Variants in SUMF1 observed in about 807,000 individuals in gnomAD.
The protein encoded by SUMF1 is sulfatase modifying factor 1.
SUMF1 carries 48 observed loss-of-function variants against 47.6 expected under a neutral mutation model. The ratio of observed to expected loss-of-function variants is 1.01; its 90% CI spans 0.80 to 1.28. The LOEUF (loss-of-function observed/expected upper bound fraction) is 1.28. Among genes scored for constraint, SUMF1 ranks in the 50% most tolerant of loss-of-function variants. SUMF1 has a pLI of 0.00. For synonymous variants in SUMF1, 230 were observed against 192.1 expected (o/e 1.20, Z -1.63); for missense variants, 571 against 485.4 (o/e 1.18, Z -1.66).
intron 8 of SUMF1, among the ~76,000 whole-genome samples, chr3:4,235,069 G>A (rs2124988124): frequency 6.6e-6 from 1 of 152,264 alleles, no homozygotes; most frequent in Non-Finnish European, 1.5e-5. Flanking sequence ...CAGAGGCAGA[G>A]AAACCAGGCA....
chr3:4,413,485 T>C (rs996332829), intron 6 of SUMF1, among the ~76,000 whole-genome samples: 4 of 152,022 alleles, frequency 2.6e-5, no homozygotes, highest in Non-Finnish European at 5.9e-5. Context: ...CCCCTAAAAT[T>C]ACCATAGGTG....
At chr3:4,240,862 AT>A (rs562729124) in intron 8 of SUMF1, among the ~76,000 whole-genome samples, 2 of 151,914 alleles carry the variant, frequency 1.3e-5, no homozygotes, top group Middle Eastern at 3.4e-3. Context: ...AAAAATTAAG[AT>A]TTTTTTCCTA....
At chr3:4,414,154 C>T (rs1701632048) in intron 6 of SUMF1, among the ~76,000 whole-genome samples, 1 of 152,120 alleles carries the variant, frequency 6.6e-6, no homozygotes, top group South Asian at 2.1e-4. Flanking sequence ...CATGAGCCAC[C>T]GCACCTGGCC....
At chr3:4,429,534 T>A (rs1702171617) in intron 3 of SUMF1, among the ~76,000 whole-genome samples, 1 of 152,218 alleles carries the variant, frequency 6.6e-6, no homozygotes, top group Non-Finnish European at 1.5e-5. Context: ...CCACACACGT[T>A]GTCTTGGAGG....
chr3:4,282,627 G>A (rs544525138), intron 8 of SUMF1, among the ~76,000 whole-genome samples: 73 of 152,272 alleles, frequency 4.8e-4, no homozygotes, highest in African/African-American at 1.7e-3. Context: ...TGAAAATAAC[G>A]ATACCAGCGC....
chr3:4,307,399 C>A (rs150142291), intron 8 of SUMF1, among the ~76,000 whole-genome samples: 8 of 152,014 alleles, frequency 5.3e-5, no homozygotes, highest in South Asian at 4.2e-4. Context: ...CCCTGAGACA[C>A]GTATCTGTTA....
intron 8 of SUMF1, among the ~76,000 whole-genome samples, chr3:4,351,068 T>C (rs554188627): frequency 6.6e-6 from 1 of 152,252 alleles, no homozygotes; most frequent in Admixed American, 6.5e-5. Context: ...GGTACAAGGG[T>C]TGGCTCCACA....
intron 8 of SUMF1, among the ~76,000 whole-genome samples, chr3:4,332,808 A>G (rs1699075733): frequency 6.6e-6 from 1 of 152,140 alleles, no homozygotes; most frequent in Non-Finnish European, 1.5e-5. Context: ...CCTAAGTGAG[A>G]ACAGGCATTC....
At chr3:4,110,704 G>A (rs963620265) in intron 8 of SUMF1, among the ~76,000 whole-genome samples, 2 of 151,852 alleles carry the variant, frequency 1.3e-5, no homozygotes, top group African/African-American at 4.8e-5. Context: ...GGACAGGGAT[G>A]AAGCTGGAAA....
rs532764165 is a variant in SUMF1 at position 4,079,358 on chromosome 3, T to C, written c.1015-10613A>G. 7.2e-5 allele frequency among the ~76,000 whole-genome samples: 11 copies of C among 152,158 alleles called. 1 individual carries two copies. The South Asian group carries it at 2.3e-3, about 32-fold the overall frequency. ...CACATGCCCATTTTGATCTGATCGATTGGTAGTAGATGCCTGGAGTGACAT... is the reference window on the plus strand; with the variant it reads ...CACATGCCCATTTTGATCTGATCGACTGGTAGTAGATGCCTGGAGTGACAT... On this transcript the variant is annotated intron_variant and NMD_transcript_variant, in intron 8 of 12. Transcript: ENST00000448413.
At chr3:4,151,249 TA>T (rs34899130) in intron 8 of SUMF1, among the ~76,000 whole-genome samples, 1 of 80,068 alleles carries the variant, frequency 1.2e-5, no homozygotes, top group Non-Finnish European at 2.7e-5. Context: ...CAACATATAA[TA>T]GATAAACATT....
intron 3 of SUMF1, among the ~76,000 whole-genome samples, chr3:4,426,245 T>A (rs1177026504): frequency 6.6e-6 from 1 of 152,198 alleles, no homozygotes; most frequent in Non-Finnish European, 1.5e-5. Flanking sequence ...GTAAGACAGA[T>A]CATAAGTCAC....
At chr3:4,159,460 C>G (rs559015925) in intron 8 of SUMF1, among the ~76,000 whole-genome samples, 162 of 151,658 alleles carry the variant, frequency 1.1e-3, no homozygotes, top group Non-Finnish European at 2.0e-3. Flanking sequence ...TTCATTTTGC[C>G]CAGTTTTAAA....
chr3:4,086,549 T>C (rs1436868787), intron 8 of SUMF1, among the ~76,000 whole-genome samples: 1 of 152,096 alleles, frequency 6.6e-6, no homozygotes, highest in African/African-American at 2.4e-5. Context: ...ATCTATTAAA[T>C]AGAGACAAAA....
chr3:4,167,855 G>A (rs887793252), intron 8 of SUMF1, among the ~76,000 whole-genome samples: 1 of 152,142 alleles, frequency 6.6e-6, no homozygotes, highest in Non-Finnish European at 1.5e-5. Context: ...AGATAGAGCA[G>A]GCATCTCTTT....
chr3:4,087,329 C>T (rs1176352435), intron 8 of SUMF1, among the ~76,000 whole-genome samples: 1 of 152,104 alleles, frequency 6.6e-6, no homozygotes, highest in Non-Finnish European at 1.5e-5. Context: ...TGCAGCATGC[C>T]TTCTTTCAAT....
chr3:4,064,457 A>G lies in SUMF1; in HGVS notation c.1191+4112T>C, dbSNP rs150055012. On this transcript the variant is annotated intron_variant and NMD_transcript_variant, in intron 9 of 12. Coordinates refer to the SUMF1 transcript ENST00000448413. ...CCCTTTCCTGGAAAACTCATGAATA[A>G]GCCACACCTTGTTTAGCATATAATC... 2.4e-4 allele frequency among the ~76,000 whole-genome samples: 37 copies of G among 152,268 alleles called. No individual in the cohort carries two copies. The East Asian group carries it at 4.8e-3, about 20-fold the overall frequency.
intron 8 of SUMF1, among the ~76,000 whole-genome samples, chr3:4,274,589 A>G (rs1697375061): frequency 6.6e-6 from 1 of 152,296 alleles, no homozygotes; most frequent in East Asian, 1.9e-4. Context: ...ACTACTTTGC[A>G]ATTGTCTTTT....
chr3:4,316,227 T>A, intron 8 of SUMF1: 2 of 714,000 alleles, frequency 2.8e-6, no homozygotes, highest in Non-Finnish European at 5.0e-6. Context: ...GAAAATGATG[T>A]TAGACAAAAA....
Sources: allele counts gnomAD v4.1 joint callset (sites outside exome capture counted in the v4.1 genomes callset), GRCh38; gene constraint gnomAD v4.1.1; transcripts MANE v1.5; gene names NCBI Gene and HGNC (gene_info 2026-07-23, HGNC 2026-07-21).